Variants in CMSS1 observed in about 807,000 individuals in gnomAD.
The protein encoded by CMSS1 is cms1 ribosomal small subunit homolog.
In CMSS1, 33 loss-of-function variants were observed where a neutral mutation model predicts 43.5. The ratio of observed to expected loss-of-function variants is 0.76; its 90% CI spans 0.57 to 1.01. The LOEUF is 1.01. Among genes scored for constraint, CMSS1 ranks in the 50% least tolerant of loss-of-function variants. The pLI is 0.00. For missense variants in CMSS1, 313 were observed against 326.4 expected (o/e 0.96, Z 0.32); for synonymous variants, 115 against 117.2 (o/e 0.98, Z 0.12).
At chr3:99,887,894 A>G (rs1018824318) in intron 1 of CMSS1, among the ~76,000 whole-genome samples, 1 of 151,460 alleles carries the variant, frequency 6.6e-6, no homozygotes, top group African/African-American at 2.4e-5. Flanking sequence ...GGTGTGCACC[A>G]CCACACCTGG....
chr3:100,178,360 C>T lies in CMSS1; in HGVS notation c.812C>T (p.Ser271Leu), dbSNP rs1425712435. 1 of 1,612,974 alleles carries T rather than the reference C, an allele frequency of 6.2e-7. No individual in the cohort carries two copies. The highest frequency in any genetic ancestry group is 1.7e-4 in the Middle Eastern group (1 of 6,058). ...ATGGGAGTGCTCAGTCTGTGCAAGTCAGAATCCTTGAAACTGGGCCTTTTC... is the reference window on the plus strand; with the variant it reads ...ATGGGAGTGCTCAGTCTGTGCAAGTTAGAATCCTTGAAACTGGGCCTTTTC... ...LEMGVLSLCK[S>L]ESLKLGLF The change falls in exon 10 of 10, where the codon TCA (serine) becomes TTA (leucine). Residue 271 changes from serine to leucine, a missense_variant. Physicochemically the swap from Ser to Leu is moderately radical, Grantham distance 145 (BLOSUM62 -2). Transcript: ENST00000421999.
intron 1 of CMSS1, among the ~76,000 whole-genome samples, chr3:99,993,655 A>G (rs542696582): frequency 8.4e-4 from 128 of 152,206 alleles, no homozygotes; most frequent in Non-Finnish European, 1.6e-3. Context: ...TGTTCCTTCT[A>G]TGCCTAGTTT....
chr3:99,963,918 A>G (rs1037560104), intron 1 of CMSS1, among the ~76,000 whole-genome samples: 1 of 152,136 alleles, frequency 6.6e-6, no homozygotes, highest in African/African-American at 2.4e-5. Flanking sequence ...GCCCAGCCAC[A>G]TCCATTTGTT....
At chr3:99,910,945 C>G (rs1706768445) in intron 1 of CMSS1, among the ~76,000 whole-genome samples, 1 of 152,180 alleles carries the variant, frequency 6.6e-6, no homozygotes, top group South Asian at 2.1e-4. Flanking sequence ...GAGATGGAGA[C>G]TGGCCTGTCT....
chr3:99,829,471 G>A (rs1341088864), intron 1 of CMSS1, among the ~76,000 whole-genome samples: 2 of 152,052 alleles, frequency 1.3e-5, no homozygotes, highest in African/African-American at 4.8e-5. Context: ...TTAATAGTTG[G>A]GCATATTCAT....
At chr3:99,849,579 T>C (rs1357617475) in intron 1 of CMSS1, 2 of 1,613,680 alleles carry the variant, frequency 1.2e-6, no homozygotes, top group Non-Finnish European at 1.7e-6. Flanking sequence ...TGAAAAGCCA[T>C]TGTTCATGGC....
chr3:99,862,982 T>TAGAA (rs1363539012), intron 1 of CMSS1, among the ~76,000 whole-genome samples: 1 of 152,190 alleles, frequency 6.6e-6, no homozygotes, highest in Non-Finnish European at 1.5e-5. Flanking sequence ...CTCCTGCTCT[T>TAGAA]CATTTTTTGG....
rs150844736 is a variant in CMSS1 at position 100,019,728 on chromosome 3, C to T, written c.65-127245C>T. On this transcript the variant is annotated intron_variant, in intron 1 of 9. Transcript: ENST00000421999. ...TATGCTGATGTATGTTTGTGTAAGA[C>T]TGCGATTCACATTCTACAGAACTAT... Among the ~76,000 whole-genome samples the T allele has an allele frequency of 7.8e-4, 119 of 152,226 alleles. 3 individuals carry two copies. The East Asian group carries it at 0.02, about 26-fold the overall frequency.
chr3:100,147,190 C>A, intron 2 of CMSS1, 129 bp downstream of exon 2: 2 of 1,017,930 alleles, frequency 2.0e-6, no homozygotes, highest in East Asian at 2.8e-5. Context: ...TACTTTCTTT[C>A]CCTTTGAAAA....
At chr3:100,063,448 G>C (rs1464647884) in intron 1 of CMSS1, among the ~76,000 whole-genome samples, 1 of 151,794 alleles carries the variant, frequency 6.6e-6, no homozygotes, top group East Asian at 1.9e-4. Flanking sequence ...GCTTTTTACT[G>C]TAACTCAGAA....
At chr3:100,109,857 G>A (rs1056557454) in intron 1 of CMSS1, 7 of 151,618 alleles carry the variant, frequency 4.6e-5, no homozygotes, top group African/African-American at 1.2e-4. Context: ...ATCATTGAAG[G>A]AAGAGATAGG....
At chr3:100,139,884 CTAGGG>C in intron 1 of CMSS1, among the ~76,000 whole-genome samples, 1 of 151,212 alleles carries the variant, frequency 6.6e-6, no homozygotes, top group South Asian at 2.1e-4. Flanking sequence ...TATACACTGC[CTAGGG>C]CAGTGTATAA....
chr3:100,125,638 C>G (rs1337434485), intron 1 of CMSS1, among the ~76,000 whole-genome samples: 2 of 151,990 alleles, frequency 1.3e-5, no homozygotes, highest in Non-Finnish European at 2.9e-5. Flanking sequence ...CCACTTGTCT[C>G]TCTCTTTTAG....
intron 1 of CMSS1, among the ~76,000 whole-genome samples, chr3:100,066,192 AT>A (rs2107358458): frequency 6.6e-6 from 1 of 152,204 alleles, no homozygotes. Flanking sequence ...CAGTATAATG[AT>A]TTTGTTTTAC....
At chr3:99,829,139 A>G (rs1942596056) in intron 1 of CMSS1, among the ~76,000 whole-genome samples, 1 of 152,182 alleles carries the variant, frequency 6.6e-6, no homozygotes, top group Non-Finnish European at 1.5e-5. Context: ...AGCTGGCTAA[A>G]GCAGTCCTTA....
intron 1 of CMSS1, among the ~76,000 whole-genome samples, chr3:100,033,632 C>T (rs1399457831): frequency 1.3e-5 from 2 of 152,030 alleles, no homozygotes; most frequent in African/African-American, 2.4e-5. Flanking sequence ...GATATTAGGA[C>T]GGGAGCTTTT....
intron 1 of CMSS1, among the ~76,000 whole-genome samples, chr3:99,967,982 A>G (rs1004933832): frequency 6.6e-6 from 1 of 152,228 alleles, no homozygotes; most frequent in African/African-American, 2.4e-5. Flanking sequence ...TACTTGGGCA[A>G]TCTCAAACAT....
rs117202110 is a variant in CMSS1, at chr3:99,903,940, A to G, written c.64+85897A>G. 7.2e-5 allele frequency among the ~76,000 whole-genome samples: 11 copies of G among 152,350 alleles called. No homozygotes were observed. In the East Asian group the frequency reaches 1.9e-3, roughly 27 times the overall value. On this transcript the variant is annotated intron_variant, in intron 1 of 9. Transcript: ENST00000421999. ...ACTCTTCATTTGGTAATAGAAAAAT[A>G]TGGCTTCAAGTAATAGAAACAAGCC...
intron 1 of CMSS1, among the ~76,000 whole-genome samples, chr3:99,826,433 G>T (rs951779085): frequency 6.6e-6 from 1 of 152,182 alleles, no homozygotes. Context: ...GAAAATAAAT[G>T]TGTAAACGAA....
Sources: gnomAD v4.1 joint callset for allele counts (sites outside exome capture counted in the v4.1 genomes callset) on GRCh38, gnomAD v4.1.1 for gene constraint, MANE v1.5 for transcripts, NCBI Gene and HGNC (gene_info 2026-07-23, HGNC 2026-07-21) for gene names.